Variants in PLCG2 observed in about 807,000 individuals in gnomAD.
PLCG2 encodes the protein phospholipase C gamma 2.
A neutral mutation model predicts 175.6 loss-of-function variants in PLCG2; 69 were observed. The observed-to-expected ratio is 0.39, with a 90% CI of 0.32 to 0.48. The LOEUF is 0.48. Ranked by LOEUF, PLCG2 falls within the 20% of genes least tolerant of loss-of-function variation. The probability of loss-of-function intolerance (pLI) is 0.91; values close to 1 mark genes in which losing one functional copy is unlikely to be tolerated. For missense variants in PLCG2, 1,798 were observed against 1,650.9 expected (o/e 1.09, Z -1.54); for synonymous variants, 827 against 624.0 (o/e 1.33, Z -4.85).
chr16:81,785,789 T>C (rs552471588), intron 1 of PLCG2, 154 bp from the exon 2 acceptor site: 1 of 561,122 alleles, frequency 1.8e-6, no homozygotes, highest in East Asian at 3.1e-5. Context: ...GCCTTAGCTC[T>C]CTGAGTGGCC....
intron 1 of PLCG2, among the ~76,000 whole-genome samples, chr16:81,780,748 C>T (rs887973160): frequency 6.6e-6 from 1 of 152,150 alleles, no homozygotes; most frequent in Non-Finnish European, 1.5e-5. Context: ...ATTTCTTGGT[C>T]AGGCACGGTG....
At chr16:81,816,400 T>C (rs1237347762) in intron 2 of PLCG2, among the ~76,000 whole-genome samples, 1 of 152,000 alleles carries the variant, frequency 6.6e-6, no homozygotes, top group Non-Finnish European at 1.5e-5. Flanking sequence ...CTTCAGATAC[T>C]GAACTATCTG....
intron 2 of PLCG2, among the ~76,000 whole-genome samples, chr16:81,794,579 T>C (rs1361310348): frequency 6.6e-6 from 1 of 152,228 alleles, no homozygotes; most frequent in East Asian, 1.9e-4. Flanking sequence ...CTTGGGTCTC[T>C]CATGTCACCT....
intron 2 of PLCG2, among the ~76,000 whole-genome samples, chr16:81,826,361 AGTAGGAGGTCAGTGTAGG>A (rs1597340145): frequency 6.6e-6 from 1 of 152,120 alleles, no homozygotes; most frequent in Non-Finnish European, 1.5e-5. Context: ...ACCTAGGTGC[AGTAGGAGGTCAGTGTAGG>A]GGTCCATGGG....
chr16:81,923,698 T>A (rs16955980), intron 22 of PLCG2, 104 bp downstream of exon 22: 10 of 661,318 alleles, frequency 1.5e-5, no homozygotes, highest in South Asian at 1.4e-4. Flanking sequence ...TTTGTCATCC[T>A]GGGCTGGCTT....
intron 2 of PLCG2, among the ~76,000 whole-genome samples, chr16:81,800,155 C>G (rs142502661): frequency 3.9e-4 from 59 of 152,276 alleles, no homozygotes; most frequent in African/African-American, 1.3e-3. Flanking sequence ...ATCATAGTAC[C>G]TGGCAAATAT....
chr16:81,908,682 G>T (rs1261474866), intron 17 of PLCG2, 91 bp downstream of exon 17: 9 of 1,134,708 alleles, frequency 7.9e-6, no homozygotes, highest in Non-Finnish European at 1.1e-5. Context: ...GGCAGGAATT[G>T]GGCAGGCTGG....
At chr16:81,939,367 C>T (rs1910845962) in intron 29 of PLCG2, among the ~76,000 whole-genome samples, 1 of 152,162 alleles carries the variant, frequency 6.6e-6, no homozygotes, top group South Asian at 2.1e-4. Context: ...CAGGAGGGAA[C>T]CGTGATTGGT....
intron 3 of PLCG2, chr16:81,857,954 A>T: frequency 2.9e-6 from 1 of 344,994 alleles, no homozygotes; most frequent in African/African-American, 2.0e-5. Context: ...TGCTCAAATG[A>T]TGTTAACAAT....
At chr16:81,923,348 C>G in intron 21 of PLCG2, 137 bp from the exon 22 acceptor site, 1 of 594,292 alleles carries the variant, frequency 1.7e-6, no homozygotes, top group Non-Finnish European at 3.0e-6. Context: ...CAGTCCCTCT[C>G]CAGCAGATGA....
intron 16 of PLCG2, 65 bp downstream of exon 16, chr16:81,907,839 C>A: frequency 1.7e-6 from 2 of 1,176,994 alleles, no homozygotes; most frequent in South Asian, 1.2e-5. Context: ...AGCCAGTCCC[C>A]GGGACCTCCT....
chr16:81,937,719 C>T (rs1201393270), intron 27 of PLCG2, 39 bp from the exon 28 acceptor site: 13 of 1,600,078 alleles, frequency 8.1e-6, no homozygotes, highest in Non-Finnish European at 1.0e-5. Context: ...CCAGCGTGCT[C>T]ATGCCTGACT....
At chr16:81,849,867 G>T (rs1238937343) in intron 2 of PLCG2, among the ~76,000 whole-genome samples, 1 of 148,878 alleles carries the variant, frequency 6.7e-6, no homozygotes, top group Admixed American at 6.7e-5. Flanking sequence ...AAAGAGAAAA[G>T]AATGTTTGCT....
chr16:81,908,439 T>C lies in PLCG2; in HGVS notation c.1581T>C (p.His527=), dbSNP rs1234750528. ...AGGATATACCCCCTACAGAACTACA[T>C]TTTGGGGAGAAATGGTTCCACAAGA... ...VPQDIPPTEL[H]FGEKWFHKKV... is the part of the protein sequence containing the mutation. Residue 527 remains histidine, a synonymous_variant, in exon 17 of 33, where the codon CAT becomes CAC. Coordinates refer to ENST00000564138, the MANE Select transcript of PLCG2 (RefSeq NM_002661.5). 2 of 1,613,944 alleles carry C rather than the reference T, an allele frequency of 1.2e-6. No homozygotes were observed. Among genetic ancestry groups the C allele is most frequent in the African/African-American group, 1.3e-5 (1 of 74,892 alleles).
At chr16:81,863,652 T>C (rs1188756882) in intron 5 of PLCG2, among the ~76,000 whole-genome samples, 1 of 152,262 alleles carries the variant, frequency 6.6e-6, no homozygotes, top group Admixed American at 6.5e-5. Flanking sequence ...ATTGCTATAC[T>C]GTTTTCTGTA....
At chr16:81,892,430 C>T (rs1320021763) in intron 11 of PLCG2, among the ~76,000 whole-genome samples, 1 of 152,142 alleles carries the variant, frequency 6.6e-6, no homozygotes, top group South Asian at 2.1e-4. Context: ...TGATGGCCCC[C>T]ACAGCTGTGG....
intron 11 of PLCG2, 144 bp from the exon 12 acceptor site, chr16:81,893,565 A>C: frequency 1.5e-6 from 1 of 652,542 alleles, no homozygotes; most frequent in South Asian, 1.7e-5. Flanking sequence ...CCTAGGCCTT[A>C]GCTTTGAGTC....
intron 14 of PLCG2, among the ~76,000 whole-genome samples, chr16:81,901,735 T>A (rs1023498723): frequency 6.6e-6 from 1 of 152,220 alleles, no homozygotes; most frequent in African/African-American, 2.4e-5. Flanking sequence ...ATTGCAAATA[T>A]TTCAAAATAA....
At position 81,960,066 on chromosome 16, in the gene PLCG2, A is replaced by G. The variant is rs72829122; in HGVS notation, c.*2068A>G. 0.012 allele frequency: 2,709 copies of G among 218,782 alleles called. 25 individuals carry two copies. The highest frequency in any genetic ancestry group is 0.03 in the South Asian group (165 of 5,426). 13.6% of individuals were successfully genotyped at this position (218,782 alleles called of 1,614,324 possible). ...GCCAAAGAGAAGTCAGGGGATTATG[A>G]CATAAATGGTGCTGGGAAGAACCCT... On this transcript the variant is annotated 3_prime_UTR_variant, in exon 33 of 33. Coordinates refer to ENST00000564138, the MANE Select transcript of PLCG2 (RefSeq NM_002661.5).
Sources: allele counts gnomAD v4.1 joint callset (sites outside exome capture counted in the v4.1 genomes callset), GRCh38; gene constraint gnomAD v4.1.1; transcripts MANE v1.5; gene names NCBI Gene and HGNC (gene_info 2026-07-23, HGNC 2026-07-21).